The following BRD4 variants were observed in gnomAD, a reference collection of about 807,000 sequenced individuals.
BRD4 encodes bromodomain-containing protein 4.
A neutral mutation model predicts 142.1 loss-of-function variants in BRD4; 16 were observed. The ratio of observed to expected loss-of-function variants is 0.11; its 90% CI spans 0.08 to 0.17. The LOEUF (loss-of-function observed/expected upper bound fraction) is 0.17. Among genes scored for constraint, BRD4 ranks in the 10% least tolerant of loss-of-function variants. BRD4 has a pLI of 1.00. For synonymous variants in BRD4, 833 were observed against 707.5 expected (o/e 1.18, Z -2.82); for missense variants, 1,424 against 1,810.9 (o/e 0.79, Z 3.88).
chr19:15,332,082 C>A (rs1166018131), intron 1 of BRD4, among the ~76,000 whole-genome samples: 1 of 145,062 alleles, frequency 6.9e-6, no homozygotes, highest in East Asian at 2.0e-4. Flanking sequence ...ACACCAACGG[C>A]GCAGGCCGCC....
At chr19:15,246,087 T>C (rs868146912) in intron 11 of BRD4, among the ~76,000 whole-genome samples, 1 of 152,156 alleles carries the variant, frequency 6.6e-6, no homozygotes. Flanking sequence ...CTCGTACAAA[T>C]GACCAGGGGC....
intron 1 of BRD4, among the ~76,000 whole-genome samples, chr19:15,323,377 G>T (rs1273239448): frequency 6.6e-6 from 1 of 151,960 alleles, no homozygotes; most frequent in Non-Finnish European, 1.5e-5. Context: ...GGCCCAGACT[G>T]GCATCCACCA....
intron 6 of BRD4, 164 bp downstream of exon 6, chr19:15,264,240 G>A (rs1329010233): frequency 2.1e-5 from 19 of 910,098 alleles, no homozygotes; most frequent in Non-Finnish European, 3.1e-5. Flanking sequence ...ACGTCCCACA[G>A]CAGACAGCAG....
intron 1 of BRD4, among the ~76,000 whole-genome samples, chr19:15,303,670 A>G (rs2047890349): frequency 6.6e-6 from 1 of 152,230 alleles, no homozygotes; most frequent in African/African-American, 2.4e-5. Context: ...ATTAGCCCAC[A>G]GAGTTACTTA....
At position 15,257,113 on chromosome 19, in the gene BRD4, C is replaced by A; in HGVS notation, c.1402G>T (p.Val468Leu). Residue 468 changes from valine (V) to leucine (L), a missense_variant, in exon 8 of 20, where the codon GTG becomes TTG. Transcript: ENST00000679869. ...PDEPEEPVVA[V>L]SSPAVPPPTK... ...GGAGGGGGCACTGCCGGGGAGGACA[C>A]GGCCACCACTGGCTCCTCAGGCTCG... 1.2e-6 allele frequency: 2 copies of A among 1,609,004 alleles called. No homozygotes were observed. The highest frequency in any genetic ancestry group is 2.7e-5 in the African/African-American group (2 of 75,004).
At chr19:15,258,210 G>A (rs1568385225) in intron 7 of BRD4, among the ~76,000 whole-genome samples, 1 of 152,230 alleles carries the variant, frequency 6.6e-6, no homozygotes, top group Non-Finnish European at 1.5e-5. Flanking sequence ...CCCTCCTGAT[G>A]GCTCAGGAAA....
chr19:15,265,291 C>T (rs921085235), intron 5 of BRD4, 63 bp downstream of exon 5: 115 of 1,402,514 alleles, frequency 8.2e-5, no homozygotes, highest in South Asian at 1.3e-4. Context: ...GTGTAAAGCA[C>T]GGGCAAGGAC....
chr19:15,242,025 C>A (rs2047242095), intron 14 of BRD4, among the ~76,000 whole-genome samples: 1 of 152,132 alleles, frequency 6.6e-6, no homozygotes. Context: ...CTTGGTCAGG[C>A]TGGTCTTGAA....
intron 1 of BRD4, among the ~76,000 whole-genome samples, chr19:15,305,019 CCAT>C (rs1158896389): frequency 6.7e-6 from 1 of 149,186 alleles, no homozygotes; most frequent in Admixed American, 6.7e-5. Context: ...AAAATTAAGA[CCAT>C]CTTTTTTTTT....
At chr19:15,318,927 T>C (rs753044156) in intron 1 of BRD4, among the ~76,000 whole-genome samples, 9 of 152,250 alleles carry the variant, frequency 5.9e-5, no homozygotes, top group Non-Finnish European at 1.3e-4. Flanking sequence ...TGTTGACACG[T>C]TACCTGACAA....
intron 11 of BRD4, chr19:15,253,430 G>C (rs2047369086): frequency 1.1e-6 from 1 of 887,416 alleles, no homozygotes; most frequent in African/African-American, 1.7e-5. Flanking sequence ...CTGCTGCTCA[G>C]AAGGTGGGCT....
intron 1 of BRD4, among the ~76,000 whole-genome samples, chr19:15,314,652 C>G (rs2048001310): frequency 6.6e-6 from 1 of 152,108 alleles, no homozygotes. Context: ...TCCACATGGT[C>G]AAGGAACTAA....
intron 1 of BRD4, among the ~76,000 whole-genome samples, chr19:15,296,560 G>A (rs891426278): frequency 4.6e-5 from 7 of 152,174 alleles, no homozygotes; most frequent in South Asian, 4.1e-4. Context: ...CATGATGTCC[G>A]CAGACCAGCC....
chr19:15,248,095 G>C, intron 11 of BRD4: 1 of 218,952 alleles, frequency 4.6e-6, no homozygotes, highest in Non-Finnish European at 9.2e-6. Context: ...TAAAAAAGGA[G>C]AAAAAATGAA....
chr19:15,289,405 G>T (rs577415565), intron 1 of BRD4, among the ~76,000 whole-genome samples: 1 of 152,098 alleles, frequency 6.6e-6, no homozygotes, highest in Non-Finnish European at 1.5e-5. Context: ...TATAAAATTG[G>T]CCGGGCATGG....
intron 7 of BRD4, among the ~76,000 whole-genome samples, chr19:15,260,798 C>CAAAAAAAAAAAAAAAAAAAAA (rs34986127): frequency 1.3e-5 from 1 of 77,826 alleles, no homozygotes; most frequent in Admixed American, 1.4e-4. Flanking sequence ...GAGAAAAATG[C>CAAAAAAAAAAAAAAAAAAAAA]AAAAAAAAAA....
chr19:15,270,656 T>A (rs957469559), intron 2 of BRD4, among the ~76,000 whole-genome samples: 1 of 152,146 alleles, frequency 6.6e-6, no homozygotes, highest in Non-Finnish European at 1.5e-5. Flanking sequence ...ATAGTACGGT[T>A]TGGGGCCATG....
chr19:15,317,345 G>C (rs1021891918), intron 1 of BRD4, among the ~76,000 whole-genome samples: 1 of 152,212 alleles, frequency 6.6e-6, no homozygotes, highest in Non-Finnish European at 1.5e-5. Flanking sequence ...ATGTGGCAGT[G>C]AAGTGACCAA....
intron 1 of BRD4, among the ~76,000 whole-genome samples, chr19:15,312,822 C>T (rs767555004): frequency 9.9e-5 from 15 of 151,908 alleles, no homozygotes; most frequent in Non-Finnish European, 2.1e-4. Flanking sequence ...GTAATTCCAG[C>T]TACCCCAGAG....
Sources: allele counts gnomAD v4.1 joint callset (sites outside exome capture counted in the v4.1 genomes callset), GRCh38; gene constraint gnomAD v4.1.1; transcripts MANE v1.5; gene names NCBI Gene and HGNC (gene_info 2026-07-23, HGNC 2026-07-21).